The following PLA2R1 variants were observed in gnomAD, a reference collection of about 807,000 sequenced individuals.
PLA2R1 encodes phospholipase A2 receptor 1.
A neutral mutation model predicts 195.9 loss-of-function variants in PLA2R1; 158 were observed. The ratio of observed to expected loss-of-function variants is 0.81; its 90% CI spans 0.71 to 0.92. PLA2R1 has a LOEUF of 0.92. Among genes scored for constraint, PLA2R1 ranks in the 40% least tolerant of loss-of-function variants. PLA2R1 has a pLI of 0.00. For missense variants in PLA2R1, 1,626 were observed against 1,764.6 expected (o/e 0.92, Z 1.41); for synonymous variants, 586 against 598.2 (o/e 0.98, Z 0.30).
chr2:159,962,089 A>G (rs149208519), intron 20 of PLA2R1, among the ~76,000 whole-genome samples: 27,655 of 151,986 alleles, frequency 0.18, 2,784 homozygotes, highest in South Asian at 0.42. Flanking sequence ...TCATCAGAAT[A>G]AACAGGCAAC....
In PLA2R1 at chr2:160,019,421, G is replaced by C. The variant is rs948655091; in HGVS notation, c.1452+685C>G. Among the ~76,000 whole-genome samples the C allele has an allele frequency of 3.9e-5, 6 of 152,148 alleles. No individual in the cohort carries two copies. The South Asian group carries it at 1.0e-3, about 26-fold the overall frequency. Reference sequence around the variant, plus strand: ...CTCTCTCACCCCCACATCTAACTTAGCAACACCTTCTGTTCTCCAAAGCAC... The same window carrying C: ...CTCTCTCACCCCCACATCTAACTTACCAACACCTTCTGTTCTCCAAAGCAC... On this transcript the variant is annotated intron_variant, in intron 8 of 29. Coordinates refer to ENST00000283243, the MANE Select transcript of PLA2R1 (RefSeq NM_007366.5).
chr2:159,996,750 T>C (rs1255797266), intron 11 of PLA2R1, among the ~76,000 whole-genome samples: 2 of 152,162 alleles, frequency 1.3e-5, no homozygotes, highest in Non-Finnish European at 1.5e-5. Context: ...TTTTCAGTTT[T>C]GGAAGTTTGT....
chr2:159,983,143 G>C (rs151226669), intron 13 of PLA2R1, among the ~76,000 whole-genome samples: 1 of 152,118 alleles, frequency 6.6e-6, no homozygotes, highest in Admixed American at 6.5e-5. Context: ...CTCAAACTGA[G>C]GGGAGGCAGA....
At chr2:159,993,209 T>C (rs1690954812) in intron 11 of PLA2R1, among the ~76,000 whole-genome samples, 1 of 152,060 alleles carries the variant, frequency 6.6e-6, no homozygotes, top group African/African-American at 2.4e-5. Flanking sequence ...TCAGTGGCAA[T>C]AATTAGTATG....
chr2:159,967,552 T>C lies in PLA2R1; in HGVS notation c.2891A>G (p.Tyr964Cys), dbSNP rs530908678. The C allele has an allele frequency of 1.5e-5, 24 of 1,613,486 alleles. No homozygotes were observed. The highest frequency in any genetic ancestry group is 8.3e-5 in the Admixed American group (5 of 60,004). Residue 964 changes from tyrosine (Y) to cysteine (C), a missense_variant, in exon 20 of 30, where the codon TAT (tyrosine) becomes TGT (cysteine). Physicochemically the swap from Tyr to Cys is radical, Grantham distance 194 (BLOSUM62 -2). Coordinates refer to ENST00000283243, the MANE Select transcript of PLA2R1 (RefSeq NM_007366.5). ...AAACAAGCTTACCTTATAGTTAAAA[T>C]ATAGCCATCCTTTGGGACACGTTCC... ...QHGTCPKGWLYFNYKCLLLNI... is the reference protein window; with the variant it reads ...QHGTCPKGWLCFNYKCLLLNI...
intron 9 of PLA2R1, among the ~76,000 whole-genome samples, chr2:160,015,795 G>T (rs1692698032): frequency 6.6e-6 from 1 of 152,180 alleles, no homozygotes; most frequent in Non-Finnish European, 1.5e-5. Flanking sequence ...ATAAAATGAA[G>T]ATTCTAAGGG....
chr2:160,061,377 T>C (rs1020975949), intron 1 of PLA2R1, among the ~76,000 whole-genome samples: 4 of 152,146 alleles, frequency 2.6e-5, no homozygotes, highest in Non-Finnish European at 4.4e-5. Context: ...TCAATAAGTG[T>C]TTGCTGAATT....
Position 159,941,668 on chromosome 2 carries a change from A to AG in PLA2R1, c.*109_*110insC, listed in dbSNP as rs2125914282. ...CACTTCAAGAATAATTAAAATAGTG[A>AG]CCCAATTCACATTCTAATGGCATCT... On this transcript the variant is annotated 3_prime_UTR_variant, in exon 30 of 30. Transcript: ENST00000283243. The AG allele has an allele frequency of 1.6e-6, 1 of 623,476 alleles. No individual in the cohort carries two copies. The highest frequency in any genetic ancestry group is 2.0e-5 in the South Asian group (1 of 49,296). The allele number at this position is 623,476 out of a possible 1,614,324, so 38.6% of individuals were successfully genotyped here.
chr2:159,942,439 G>A (rs956211747), intron 28 of PLA2R1, among the ~76,000 whole-genome samples: 13 of 152,094 alleles, frequency 8.5e-5, no homozygotes, highest in East Asian at 1.9e-4. Flanking sequence ...TGTAATCATC[G>A]TTATTAGTGC....
rs867776824 is a variant in PLA2R1, at chr2:160,013,723, G to C, written c.1552-348C>G. On this transcript the variant is annotated intron_variant, in intron 9 of 29. Transcript: ENST00000283243. Reference sequence around the variant, plus strand: ...TCTCTGTCTCTCTCTCTCTCTCTCTGTGTGTGTGTGTGTGTGTGTGTGTGT... The same window carrying C: ...TCTCTGTCTCTCTCTCTCTCTCTCTCTGTGTGTGTGTGTGTGTGTGTGTGT... Among the ~76,000 whole-genome samples, 76 of 128,382 alleles carry C rather than the reference G, an allele frequency of 5.9e-4. No individual in the cohort carries two copies. In the South Asian group the frequency reaches 7.5e-3, roughly 13 times the overall value. 84.2% of individuals were successfully genotyped at this position (128,382 alleles called of 152,430 possible).
intron 6 of PLA2R1, among the ~76,000 whole-genome samples, chr2:160,026,836 T>A (rs578209451): frequency 6.6e-6 from 1 of 152,186 alleles, no homozygotes; most frequent in Admixed American, 6.5e-5. Flanking sequence ...GAAATCCTTT[T>A]TGAACTTGGA....
rs374468781 is a variant in PLA2R1, at chr2:160,049,743, T to C, written c.110-4586A>G. Among the ~76,000 whole-genome samples, 11 of 152,224 alleles carry C rather than the reference T, an allele frequency of 7.2e-5. No homozygotes were observed. The East Asian group carries it at 1.7e-3, about 24-fold the overall frequency. ...CGGGAAGCTGAGGCACAAGAATCAC[T>C]TGAACCCAGGAGGTGGAGGCTGCAG... On this transcript the variant is annotated intron_variant, in intron 1 of 29. Transcript: ENST00000283243.
At chr2:160,054,564 C>A (rs574092077) in intron 1 of PLA2R1, among the ~76,000 whole-genome samples, 5 of 152,198 alleles carry the variant, frequency 3.3e-5, no homozygotes, top group Non-Finnish European at 7.3e-5. Context: ...TTCTTTGGAA[C>A]TGTAGTTGTC....
At chr2:159,949,280 C>A (rs1687577976) in intron 25 of PLA2R1, among the ~76,000 whole-genome samples, 1 of 152,106 alleles carries the variant, frequency 6.6e-6, no homozygotes. Context: ...AGCTTTTCTC[C>A]TCAGAATGCC....
chr2:160,007,089 T>G (rs1287392880), intron 10 of PLA2R1, among the ~76,000 whole-genome samples: 1 of 152,238 alleles, frequency 6.6e-6, no homozygotes, highest in Non-Finnish European at 1.5e-5. Flanking sequence ...AGCACACATT[T>G]GAAACAAGAA....
At chr2:159,976,764 A>G (rs765564544) in intron 15 of PLA2R1, 44 bp from the exon 16 acceptor site, 2 of 1,513,522 alleles carry the variant, frequency 1.3e-6, no homozygotes, top group Admixed American at 3.4e-5. Context: ...TTGCTTCTCA[A>G]GTGCATTGTC....
chr2:160,021,290 G>C (rs1693093039), intron 7 of PLA2R1, among the ~76,000 whole-genome samples: 2 of 151,700 alleles, frequency 1.3e-5, no homozygotes, highest in Admixed American at 1.3e-4. Flanking sequence ...TACCCAAAGG[G>C]AAAAAAATCA....
At chr2:160,026,644 G>A (rs1462483179) in intron 6 of PLA2R1, among the ~76,000 whole-genome samples, 8 of 152,106 alleles carry the variant, frequency 5.3e-5, no homozygotes, top group African/African-American at 1.9e-4. Flanking sequence ...TAACCACAAC[G>A]AGGTGCCTCC....
At chr2:160,048,843 T>TC in intron 1 of PLA2R1, among the ~76,000 whole-genome samples, 1 of 149,706 alleles carries the variant, frequency 6.7e-6, no homozygotes, top group East Asian at 2.0e-4. Flanking sequence ...GAAACATTTT[T>TC]TTTTTTTTTT....
Sources: gnomAD v4.1 joint callset for allele counts (sites outside exome capture counted in the v4.1 genomes callset) on GRCh38, gnomAD v4.1.1 for gene constraint, MANE v1.5 for transcripts, NCBI Gene and HGNC (gene_info 2026-07-23, HGNC 2026-07-21) for gene names.